AIMP1: variants seen among roughly 807,000 people sequenced by gnomAD.
AIMP1 encodes aminoacyl tRNA synthetase complex interacting multifunctional protein 1.
In AIMP1, 24 loss-of-function variants were observed where a neutral mutation model predicts 33.1. The ratio of observed to expected loss-of-function variants is 0.73; its 90% CI spans 0.53 to 1.02. AIMP1 has a LOEUF of 1.02. Ranked by LOEUF, AIMP1 falls within the 50% of genes least tolerant of loss-of-function variation. The pLI, the probability that AIMP1 is intolerant of heterozygous loss-of-function variation, is 0.00. For synonymous variants in AIMP1, 120 were observed against 121.5 expected (o/e 0.99, Z 0.08); for missense variants, 367 against 364.8 (o/e 1.01, Z -0.05).
At chr4:106,337,097 T>C in intron 6 of AIMP1, 60 bp downstream of exon 6, 1 of 1,451,604 alleles carries the variant, frequency 6.9e-7, no homozygotes, top group Non-Finnish European at 9.7e-7. Flanking sequence ...GTGATGTTTG[T>C]AATGCTTAAA....
intron 6 of AIMP1, among the ~76,000 whole-genome samples, chr4:106,337,873 A>G (rs958146480): frequency 6.6e-6 from 1 of 152,236 alleles, no homozygotes; most frequent in African/African-American, 2.4e-5. Context: ...AGTGATACGG[A>G]CAATACAGTC....
intron 4 of AIMP1, among the ~76,000 whole-genome samples, chr4:106,330,724 A>G (rs1202314989): frequency 6.6e-6 from 1 of 152,122 alleles, no homozygotes; most frequent in African/African-American, 2.4e-5. Flanking sequence ...GTGTCATAGC[A>G]CTCCGTATGT....
chr4:106,347,730 A>G lies in AIMP1; in HGVS notation c.*38A>G. The G allele has an allele frequency of 6.3e-7, 1 of 1,587,240 alleles. No homozygotes were observed. The highest frequency in any genetic ancestry group is 1.4e-5 in the African/African-American group (1 of 73,998). On this transcript the variant is annotated 3_prime_UTR_variant, in exon 7 of 7. Coordinates refer to ENST00000672341, the MANE Select transcript of AIMP1 (RefSeq NM_001142416.2). The stretch of plus-strand genomic sequence containing the variant: ...ACCAAAAGACATTAGAGAAAACCTT[A>G]AAAGTAATAAAGAGAAATATATTTG...
At chr4:106,326,615 G>C (rs1769461023) in intron 2 of AIMP1, among the ~76,000 whole-genome samples, 1 of 152,036 alleles carries the variant, frequency 6.6e-6, no homozygotes, top group African/African-American at 2.4e-5. Context: ...TCAGACTTTA[G>C]CAATATTCAG....
chr4:106,325,191 T>A (rs1023358013), intron 2 of AIMP1, 73 bp downstream of exon 2: 1 of 1,361,922 alleles, frequency 7.3e-7, no homozygotes, highest in Non-Finnish European at 1.0e-6. Context: ...AAATAATGTT[T>A]ACCGCTTTAA....
chr4:106,338,868 G>C lies in AIMP1; in HGVS notation c.772+1831G>C, dbSNP rs1304909286. On this transcript the variant is annotated intron_variant, in intron 6 of 6. Coordinates refer to ENST00000672341, the MANE Select transcript of AIMP1 (RefSeq NM_001142416.2). Reference sequence around the variant, plus strand: ...GGTGGCTGTGCCCTACAAAGCCACAGGGGTAGAGCTGCCCAAGGCTGTGGG... The same window carrying C: ...GGTGGCTGTGCCCTACAAAGCCACACGGGTAGAGCTGCCCAAGGCTGTGGG... Among the ~76,000 whole-genome samples, 56 of 152,236 alleles carry C rather than the reference G, an allele frequency of 3.7e-4. 1 individual carries two copies. The highest frequency in any genetic ancestry group is 1.5e-5 in the Non-Finnish European group (1 of 68,048).
chr4:106,332,129 A>T (rs1300219543), intron 5 of AIMP1, among the ~76,000 whole-genome samples: 1 of 152,134 alleles, frequency 6.6e-6, no homozygotes, highest in Non-Finnish European at 1.5e-5. Context: ...TATTTTATCT[A>T]TTTTTAAAGT....
intron 2 of AIMP1, 106 bp downstream of exon 2, chr4:106,325,224 G>T: frequency 9.0e-7 from 1 of 1,109,126 alleles, no homozygotes. Flanking sequence ...TTACTTAGAA[G>T]TTTCTGTTAT....
chr4:106,337,251 A>T (rs1471379675), intron 6 of AIMP1, among the ~76,000 whole-genome samples: 1 of 152,182 alleles, frequency 6.6e-6, no homozygotes, highest in Non-Finnish European at 1.5e-5. Context: ...TACATGTTGT[A>T]TAAAACACCT....
intron 6 of AIMP1, among the ~76,000 whole-genome samples, 176 bp from the exon 7 acceptor site, chr4:106,347,350 A>G (rs542019203): frequency 2.0e-5 from 3 of 152,324 alleles, no homozygotes; most frequent in African/African-American, 7.2e-5. Flanking sequence ...TATTTTACCA[A>G]TCAAGAATAT....
At chr4:106,322,039 A>T (rs1265044853) in intron 1 of AIMP1, among the ~76,000 whole-genome samples, 2 of 152,124 alleles carry the variant, frequency 1.3e-5, no homozygotes, top group African/African-American at 4.8e-5. Context: ...GGTTAAATGG[A>T]TTAAGGGCGG....
intron 6 of AIMP1, among the ~76,000 whole-genome samples, chr4:106,342,089 A>T (rs1770118973): frequency 6.6e-6 from 1 of 152,058 alleles, no homozygotes; most frequent in Non-Finnish European, 1.5e-5. Flanking sequence ...TTTGACTCTC[A>T]GCTTGAACTT....
chr4:106,319,146 T>C (rs998585473), intron 1 of AIMP1, among the ~76,000 whole-genome samples: 3 of 152,184 alleles, frequency 2.0e-5, no homozygotes, highest in Non-Finnish European at 4.4e-5. Context: ...CTATATAGCA[T>C]AAGAATTCTA....
intron 2 of AIMP1, among the ~76,000 whole-genome samples, chr4:106,325,803 T>C (rs1769431965): frequency 6.6e-6 from 1 of 152,084 alleles, no homozygotes; most frequent in East Asian, 1.9e-4. Context: ...GGAAAATATT[T>C]CCTAGAAAAA....
chr4:106,325,187 T>C lies in AIMP1; in HGVS notation c.109+69T>C, dbSNP rs577840909. The C allele has an allele frequency of 4.5e-5, 62 of 1,367,066 alleles. No homozygotes were observed. In the African/African-American group the frequency reaches 7.4e-4, roughly 16 times the overall value. 84.7% of individuals were successfully genotyped at this position (1,367,066 alleles called of 1,614,324 possible). Reference sequence around the variant, plus strand: ...TCATACATTGATGGAGAAAAAATAATGTTTACCGCTTTAAGTTATTTAAGT... The same window carrying C: ...TCATACATTGATGGAGAAAAAATAACGTTTACCGCTTTAAGTTATTTAAGT... On this transcript the variant is annotated intron_variant, in intron 2 of 6. Transcript: ENST00000672341.
chr4:106,337,871 G>A (rs760671070), intron 6 of AIMP1, among the ~76,000 whole-genome samples: 17 of 152,166 alleles, frequency 1.1e-4, no homozygotes, highest in Non-Finnish European at 2.5e-4. Context: ...ATAGTGATAC[G>A]GACAATACAG....
intron 4 of AIMP1, 77 bp from the exon 5 acceptor site, chr4:106,331,595 G>A (rs1397356982): frequency 7.9e-6 from 10 of 1,273,642 alleles, no homozygotes; most frequent in Non-Finnish European, 1.1e-5. Context: ...TCATTGGTAT[G>A]GATACCATGG....
chr4:106,326,018 G>T (rs1769442082), intron 2 of AIMP1, among the ~76,000 whole-genome samples: 1 of 152,068 alleles, frequency 6.6e-6, no homozygotes, highest in Non-Finnish European at 1.5e-5. Context: ...AATGCAATAG[G>T]TACAATGCCA....
At position 106,325,760 on chromosome 4, in the gene AIMP1, A is replaced by G. The variant is rs952022385; in HGVS notation, c.109+642A>G. On this transcript the variant is annotated intron_variant, in intron 2 of 6. Transcript: ENST00000672341. Reference sequence around the variant, plus strand: ...TCATATTGCTCCCAATTTAGGATGAATGTTTTATAAAATCTCTGTTAATAT... The same window carrying G: ...TCATATTGCTCCCAATTTAGGATGAGTGTTTTATAAAATCTCTGTTAATAT... 5.9e-5 allele frequency among the ~76,000 whole-genome samples: 9 copies of G among 152,218 alleles called. 1 individual carries two copies. Among genetic ancestry groups the G allele is most frequent in the Admixed American group, 5.2e-4 (8 of 15,296 alleles).
Sources: allele counts gnomAD v4.1 joint callset (sites outside exome capture counted in the v4.1 genomes callset), GRCh38; gene constraint gnomAD v4.1.1; transcripts MANE v1.5; gene names NCBI Gene and HGNC (gene_info 2026-07-23, HGNC 2026-07-21).